The following IRF7 variants were observed in gnomAD, a reference collection of about 807,000 sequenced individuals.
The protein encoded by IRF7 is interferon regulatory factor 7.
Under a neutral mutation model 51.3 loss-of-function variants are expected in IRF7, and 67 were observed. The ratio of observed to expected loss-of-function variants is 1.31; its 90% CI spans 1.07 to 1.60. IRF7 has a LOEUF of 1.60. Ranked by LOEUF, IRF7 falls within the 40% of genes most tolerant of loss-of-function variation. The probability of loss-of-function intolerance (pLI) is 0.00; values close to 1 mark genes in which losing one functional copy is unlikely to be tolerated. For missense variants in IRF7, 873 were observed against 701.5 expected, an observed-to-expected ratio of 1.24 and a Z score of -2.76; for synonymous variants, 427 against 301.3, an observed-to-expected ratio of 1.42 and a Z score of -4.32.
rs1321993971 is a variant in IRF7 at position 613,345 on chromosome 11, C to T, written c.1098G>A (p.Leu366=). The T allele has an allele frequency of 1.9e-6, 3 of 1,611,570 alleles. No homozygotes were observed. Among genetic ancestry groups the T allele is most frequent in the Non-Finnish European group, 2.5e-6 (3 of 1,179,540 alleles). Reference sequence around the variant, plus strand: ...TGCACTTGCCCATGCGCCGGGCCCACAGCTGTGGCCCCCGAAGCTCCAGGT... The same window carrying T: ...TGCACTTGCCCATGCGCCGGGCCCATAGCTGTGGCCCCCGAAGCTCCAGGT... ...GLHLELRGPQ[L]WARRMGKCKV... Residue 366 remains leucine, a synonymous_variant, in exon 9 of 11, where the codon CTG becomes CTA. Coordinates refer to ENST00000525445, the MANE Select transcript of IRF7 (RefSeq NM_001572.5).
chr11:614,017 C>T lies in IRF7; in HGVS notation c.700G>A (p.Glu234Lys), dbSNP rs777098681. Residue 234 changes from glutamate (E) to lysine (K), a missense_variant, in exon 7 of 11, where the codon GAG (glutamate) becomes AAG (lysine). Physicochemically the swap from Glu to Lys is moderately conservative, Grantham distance 56. Transcript: ENST00000525445. ...GTCTCTACTGCCCACCCGTACAGCTCCCCAGCAGGGAGCCCTGGGCCTGAG... is the reference window on the plus strand; with the variant it reads ...GTCTCTACTGCCCACCCGTACAGCTTCCCAGCAGGGAGCCCTGGGCCTGAG... Reference protein sequence around the residue: ...CAGGPGLPAGELYGWAVETTP... With the variant: ...CAGGPGLPAGKLYGWAVETTP... The T allele has an allele frequency of 1.9e-6, 3 of 1,609,214 alleles. No homozygotes were observed. The highest frequency in any genetic ancestry group is 2.2e-5 in the South Asian group (2 of 90,392).
chr11:613,052 C>G lies in IRF7; in HGVS notation c.1303G>C (p.Gly435Arg). Residue 435 changes from glycine (G) to arginine (R), a missense_variant, in exon 10 of 11, where the codon GGG (glycine) becomes CGG (arginine). Transcript: ENST00000525445. ...GGCCTCCCAGCTGACAGGTCCTGCC[C>G]GAAGCCCAGGTAGATGGTATAGCGT... is the stretch of plus-strand genomic sequence containing the variant. ...SPRYTIYLGF[G>R]QDLSAGRPKE... 1 of 1,613,098 alleles carries G rather than the reference C, an allele frequency of 6.2e-7. No individual in the cohort carries two copies. The highest frequency in any genetic ancestry group is 8.5e-7 in the Non-Finnish European group (1 of 1,179,974).
rs1233295578 is a variant in IRF7, at chr11:613,883, T to TCCTGTGCTGGCAC, written c.767-31_767-19dup. ...GGCCTCGCCTGCATCCGGAAGGGAA[T>TCCTGTGCTGGCAC]CCTGTGCTGGCACCTCATCCCTAGC... is the stretch of plus-strand genomic sequence containing the variant. On this transcript the variant is annotated intron_variant, in intron 7 of 10. Coordinates refer to ENST00000525445, the MANE Select transcript of IRF7 (RefSeq NM_001572.5). 6.3e-7 allele frequency: 1 copy of TCCTGTGCTGGCAC among 1,598,940 alleles called. No individual in the cohort carries two copies. Among genetic ancestry groups the TCCTGTGCTGGCAC allele is most frequent in the Non-Finnish European group, 8.5e-7 (1 of 1,173,912 alleles).
In IRF7 at chr11:612,972, C is replaced by T. The variant is rs577986906; in HGVS notation, c.1356+27G>A. The T allele has an allele frequency of 4.4e-6, 7 of 1,608,746 alleles. No individual in the cohort carries two copies. In the Admixed American group the frequency reaches 1.2e-4, roughly 27 times the overall value. On this transcript the variant is annotated intron_variant, in intron 10 of 10. Transcript: ENST00000525445. ...CTGTCAGTGGGCCTGAGCACATGGCCTCCCCTCCTTGAGGCTCTGGTCTCA... is the reference window on the plus strand; with the variant it reads ...CTGTCAGTGGGCCTGAGCACATGGCTTCCCCTCCTTGAGGCTCTGGTCTCA...
Position 614,796 on chromosome 11 carries a change from C to T in IRF7, c.394+1G>A. 1 of 1,540,388 alleles carries T rather than the reference C, an allele frequency of 6.5e-7. No individual in the cohort carries two copies. The highest frequency in any genetic ancestry group is 8.7e-7 in the Non-Finnish European group (1 of 1,143,802). On this transcript the variant is annotated splice_donor_variant, in intron 4 of 10. Transcript: ENST00000525445. LOFTEE classifies it high-confidence loss of function. Reference sequence around the variant, plus strand: ...CGCCCTTGGCAGCCGGCGTCGCTCACCTCGCCAGCACAGCTCCCGGCTGAG... The same window carrying T: ...CGCCCTTGGCAGCCGGCGTCGCTCATCTCGCCAGCACAGCTCCCGGCTGAG...
intron 10 of IRF7, 41 bp downstream of exon 10, chr11:612,946 TCTGTCAGTGGGC>T: frequency 6.3e-7 from 1 of 1,590,728 alleles, no homozygotes; most frequent in Non-Finnish European, 8.6e-7. Flanking sequence ...GCATCAGGCG[TCTGTCAGTGGGC>T]CTGAGCACAT....
At position 613,845 on chromosome 11, in the gene IRF7, ACT is replaced by A; in HGVS notation, c.785_786del (p.Glu262ValfsTer139). On this transcript the variant is annotated frameshift_variant, in exon 8 of 11. Coordinates refer to ENST00000525445, the MANE Select transcript of IRF7 (RefSeq NM_001572.5). LOFTEE classifies it high-confidence loss of function. Reference protein sequence around the residue: ...ALTTGEAAAPESPHQAEPYLS... With the variant: ...ALTTGEAAAPXSPHQAEPYLS... ...AGGTACGGCTCTGCCTGGTGCGGGGACTCTGGGGCCGCGGCCTCGCCTGCATC... is the reference window on the plus strand; with the variant it reads ...AGGTACGGCTCTGCCTGGTGCGGGGACTGGGGCCGCGGCCTCGCCTGCATC... 6.3e-7 allele frequency: 1 copy of A among 1,596,562 alleles called. No homozygotes were observed. Among genetic ancestry groups the A allele is most frequent in the Non-Finnish European group, 8.5e-7 (1 of 1,173,826 alleles).
chr11:614,147 TC>T (rs747410648), intron 6 of IRF7, 26 bp downstream of exon 6: 84 of 1,582,550 alleles, frequency 5.3e-5, no homozygotes, highest in Admixed American at 6.8e-5. Flanking sequence ...CCTCCCGCGC[TC>T]CCCCCCTCCC....
Position 614,219 on chromosome 11 carries a change from C to CA in IRF7, c.633dup (p.Gly212TrpfsTer190). The CA allele has an allele frequency of 6.2e-7, 1 of 1,613,084 alleles. No individual in the cohort carries two copies. Among genetic ancestry groups the CA allele is most frequent in the African/African-American group, 1.3e-5 (1 of 75,048 alleles). Reference sequence around the variant, plus strand: ...AGGGGAAGCCCTTCTTGTCCCTCTCCAGGAGCCTTGGTTGGGACTGGATCT... The same window carrying CA: ...AGGGGAAGCCCTTCTTGTCCCTCTCCAAGGAGCCTTGGTTGGGACTGGATCT... On this transcript the variant is annotated frameshift_variant, in exon 6 of 11. Transcript: ENST00000525445. LOFTEE classifies it high-confidence loss of function.
Position 615,019 on chromosome 11 carries a change from G to A in IRF7, c.184-12C>T, listed in dbSNP as rs2133149556. The A allele has an allele frequency of 1.3e-6, 2 of 1,546,764 alleles. No individual in the cohort carries two copies. Among genetic ancestry groups the A allele is most frequent in the East Asian group, 2.3e-5 (1 of 43,350 alleles). ...GCCACAGCCCAGGCCTGAAGAGGGG[G>A]ACAGAACACGTGTGCCGGGCCCGCG... On this transcript the variant is annotated splice_polypyrimidine_tract_variant and intron_variant, in intron 3 of 10. Coordinates refer to ENST00000525445, the MANE Select transcript of IRF7 (RefSeq NM_001572.5).
chr11:614,896 G>T lies in IRF7; in HGVS notation c.295C>A (p.Leu99Met). The change falls in exon 4 of 11, where the codon CTG becomes ATG. Residue 99 changes from leucine (L) to methionine (M), a missense_variant. Physicochemically the swap from Leu to Met is conservative, Grantham distance 15 (BLOSUM62 2). Transcript: ENST00000525445. ...ATCACGAAGCGACGCGTGCTGCGCA[G>T]TGCGCAGCGGAAGTTGGTTTTCCAG... is the stretch of plus-strand genomic sequence containing the variant. ...AGWKTNFRCA[L>M]RSTRRFVMLR... 6.3e-7 allele frequency: 1 copy of T among 1,586,224 alleles called. No homozygotes were observed. The highest frequency in any genetic ancestry group is 8.6e-7 in the Non-Finnish European group (1 of 1,169,106).
Position 613,511 on chromosome 11 carries a change from G to A in IRF7, c.932C>T (p.Thr311Met), listed in dbSNP as rs1856575012. The A allele has an allele frequency of 1.3e-6, 2 of 1,557,638 alleles. No individual in the cohort carries two copies. Among genetic ancestry groups the A allele is most frequent in the Non-Finnish European group, 1.7e-6 (2 of 1,154,584 alleles). ...TGGGTCTGGGGGGCCGTATAGGAAC[G>A]TGCAGCTCGGGTGTCCCACCACCTT... is the stretch of plus-strand genomic sequence containing the variant. ...LQKVVGHPSC[T>M]FLYGPPDPAV... Residue 311 changes from threonine (T) to methionine (M), a missense_variant, in exon 9 of 11, where the codon ACG (threonine) becomes ATG (methionine). Transcript: ENST00000525445.
chr11:614,643 C>T, intron 4 of IRF7, 109 bp from the exon 5 acceptor site: 1 of 1,433,328 alleles, frequency 7.0e-7, no homozygotes, highest in African/African-American at 1.4e-5. Flanking sequence ...TAGGCTGTGG[C>T]CTGAGGAGGT....
At position 615,080 on chromosome 11, in the gene IRF7, GGGGCT is replaced by G. The variant is rs768860975; in HGVS notation, c.183+12_183+16del. ...CGGGCTCTCCCACCCGGGGCGGGGC[GGGGCT>G]GGGGTCCCCACCTTGAAGATGCGCG... On this transcript the variant is annotated intron_variant, in intron 3 of 10. Coordinates refer to ENST00000525445, the MANE Select transcript of IRF7 (RefSeq NM_001572.5). The G allele has an allele frequency of 6.4e-7, 1 of 1,569,078 alleles. No homozygotes were observed. The highest frequency in any genetic ancestry group is 8.6e-7 in the Non-Finnish European group (1 of 1,163,790).
In IRF7 at chr11:613,217, ACT is replaced by A. The variant is rs781061158; in HGVS notation, c.1224_1225del (p.Arg408SerfsTer60). 4 of 1,588,516 alleles carry A rather than the reference ACT, an allele frequency of 2.5e-6. No homozygotes were observed. In the Admixed American group the frequency reaches 5.3e-5, roughly 21 times the overall value. On this transcript the variant is annotated frameshift_variant, in exon 9 of 11. Coordinates refer to ENST00000525445, the MANE Select transcript of IRF7 (RefSeq NM_001572.5). LOFTEE classifies it high-confidence loss of function. Reference sequence around the variant, plus strand: ...AGGGCCTCACTGACCTTGGAAGAAGACTCTGAAGTCGAAGATGGGGGTGTCAC... The same window carrying A: ...AGGGCCTCACTGACCTTGGAAGAAGACTGAAGTCGAAGATGGGGGTGTCAC...
Position 615,602 on chromosome 11 carries a change from G to C in IRF7, c.-238C>G. The C allele has an allele frequency of 2.1e-6, 1 of 472,724 alleles. No homozygotes were observed. The allele number at this position is 472,724 out of a possible 1,614,324, so 29.3% of individuals were successfully genotyped here. On this transcript the variant is annotated 5_prime_UTR_variant, in exon 2 of 11. Transcript: ENST00000525445. Reference sequence around the variant, plus strand: ...CCGGCGCGCACACATGAAGTCACAGGTGTTGAACCAGTGTCCAGGCCTGGC... The same window carrying C: ...CCGGCGCGCACACATGAAGTCACAGCTGTTGAACCAGTGTCCAGGCCTGGC...
chr11:615,042 G>T, intron 3 of IRF7, 35 bp from the exon 4 acceptor site: 1 of 1,548,554 alleles, frequency 6.5e-7, no homozygotes, highest in Non-Finnish European at 8.7e-7. Context: ...TGCCGGGCCC[G>T]CGGGGTCCTA....
chr11:613,626 G>T (rs1202471505), intron 8 of IRF7, 31 bp from the exon 9 acceptor site: 1 of 1,390,274 alleles, frequency 7.2e-7, no homozygotes, highest in Non-Finnish European at 9.4e-7. Flanking sequence ...GAGTGACGGG[G>T]GTGGGCGGGG....
chr11:614,569 A>C, intron 4 of IRF7, 35 bp from the exon 5 acceptor site: 1 of 1,548,620 alleles, frequency 6.5e-7, no homozygotes, highest in Non-Finnish European at 8.7e-7. Context: ...AGGCCCCGAC[A>C]CCAGAGTGAG....
Sources: allele counts gnomAD v4.1 joint callset, GRCh38; gene constraint gnomAD v4.1.1; transcripts MANE v1.5; gene names NCBI Gene and HGNC (gene_info 2026-07-23, HGNC 2026-07-21).